FSD1L: variants seen among roughly 807,000 people sequenced by gnomAD.
The protein encoded by FSD1L is FSD1-like protein.
FSD1L carries 45 observed loss-of-function variants against 71.6 expected under a neutral mutation model. That is an observed-to-expected ratio of 0.63 (90% CI 0.49 to 0.81). The LOEUF is 0.81. Ranked by LOEUF, FSD1L falls within the 30% of genes least tolerant of loss-of-function variation. The probability of loss-of-function intolerance (pLI) is 0.00; values close to 1 mark genes in which losing one functional copy is unlikely to be tolerated. For missense variants in FSD1L, 561 were observed against 618.1 expected (o/e 0.91, Z 0.98); for synonymous variants, 197 against 207.2 (o/e 0.95, Z 0.42).
chr9:105,521,793 G>T, intron 10 of FSD1L: 2 of 1,612,388 alleles, frequency 1.2e-6, no homozygotes, highest in Non-Finnish European at 1.7e-6. Flanking sequence ...CACCTCTGAA[G>T]AAGCCACAGA....
At chr9:105,528,768 A>G (rs373142691) in intron 10 of FSD1L, among the ~76,000 whole-genome samples, 12 of 152,376 alleles carry the variant, frequency 7.9e-5, no homozygotes, top group African/African-American at 2.9e-4. Flanking sequence ...AACAAAAGCC[A>G]GAATTGACAA....
At chr9:105,533,629 C>G (rs561485743) in intron 10 of FSD1L, among the ~76,000 whole-genome samples, 2 of 149,352 alleles carry the variant, frequency 1.3e-5, no homozygotes, top group South Asian at 4.3e-4. Context: ...CACTGTGTTG[C>G]CCAGGCTGGT....
intron 8 of FSD1L, among the ~76,000 whole-genome samples, chr9:105,508,164 A>G (rs1337830610): frequency 1.5e-5 from 2 of 135,686 alleles, no homozygotes; most frequent in African/African-American, 5.6e-5. Context: ...GCGCCCGACC[A>G]CATATCACTC....
chr9:105,495,350 G>A lies in FSD1L; in HGVS notation c.586+10848G>A, dbSNP rs189664384. 6.8e-3 allele frequency among the ~76,000 whole-genome samples: 1,035 copies of A among 152,268 alleles called. 11 individuals carry two copies. Among genetic ancestry groups the A allele is most frequent in the Admixed American group, 0.022 (343 of 15,306 alleles). ...TGGTGCGCTGTTTTTAAAGCCCGTC[G>A]GAAAAGTGCAGTATTGGGGTGGGAA... is the stretch of plus-strand genomic sequence containing the variant. On this transcript the variant is annotated intron_variant, in intron 7 of 13. Transcript: ENST00000481272.
intron 3 of FSD1L, among the ~76,000 whole-genome samples, chr9:105,465,814 T>G (rs927618253): frequency 9.2e-5 from 14 of 151,724 alleles, no homozygotes; most frequent in African/African-American, 3.1e-4. Flanking sequence ...TTATCAAAGG[T>G]GAGAAGTCAA....
At chr9:105,521,227 C>T in intron 10 of FSD1L, 2 of 1,614,174 alleles carry the variant, frequency 1.2e-6, no homozygotes, top group Admixed American at 1.7e-5. Context: ...CCTCATATTC[C>T]TGGGATGGAA....
At chr9:105,492,346 C>T (rs1833006679) in intron 7 of FSD1L, among the ~76,000 whole-genome samples, 1 of 152,056 alleles carries the variant, frequency 6.6e-6, no homozygotes, top group Non-Finnish European at 1.5e-5. Context: ...GTGGTGAGAT[C>T]CCCTTTATCA....
intron 7 of FSD1L, among the ~76,000 whole-genome samples, chr9:105,503,039 C>T (rs1185652194): frequency 2.0e-5 from 3 of 151,298 alleles, no homozygotes; most frequent in Non-Finnish European, 4.4e-5. Flanking sequence ...ACCGCCATAC[C>T]CAACTAAATT....
In FSD1L at chr9:105,464,240, C is replaced by T; in HGVS notation, c.116C>T (p.Ala39Val). ...TAATGCTTTTCTTAATTCTAGGAAG[C>T]TCTACAGAGGATCATTTCAACTCTG... Reference protein sequence around the residue: ...GPESINLQQEALQRIISTLAN... With the variant: ...GPESINLQQEVLQRIISTLAN... Residue 39 changes from alanine to valine, a missense_variant, in exon 3 of 14, where the codon GCT becomes GTT. By Grantham distance (64) the Ala-to-Val change is moderately conservative (BLOSUM62 0). Transcript: ENST00000481272. 1.1e-5 allele frequency: 17 copies of T among 1,479,826 alleles called. No homozygotes were observed. Among genetic ancestry groups the T allele is most frequent in the Non-Finnish European group, 1.5e-5 (16 of 1,090,158 alleles). 91.7% of individuals were successfully genotyped at this position (1,479,826 alleles called of 1,614,324 possible).
At position 105,475,262 on chromosome 9, in the gene FSD1L, A is replaced by G. The variant is rs996692282; in HGVS notation, c.441+3257A>G. Among the ~76,000 whole-genome samples, 6 of 152,366 alleles carry G rather than the reference A, an allele frequency of 3.9e-5. No individual in the cohort carries two copies. In the Middle Eastern group the frequency reaches 0.01, roughly 259 times the overall value. On this transcript the variant is annotated intron_variant, in intron 5 of 13. Coordinates refer to ENST00000481272, the MANE Select transcript of FSD1L (RefSeq NM_001145313.3). ...GTTGTCAGAGTAGAAGGGAGAAAATAGTTTCCTATCCATGGGGTCCCTATA... is the reference window on the plus strand; with the variant it reads ...GTTGTCAGAGTAGAAGGGAGAAAATGGTTTCCTATCCATGGGGTCCCTATA...
At chr9:105,461,691 C>A in intron 2 of FSD1L, 76 bp downstream of exon 2, 1 of 836,470 alleles carries the variant, frequency 1.2e-6, no homozygotes, top group Non-Finnish European at 1.9e-6. Flanking sequence ...ATGTCTTTGA[C>A]TATACTCATT....
At chr9:105,503,976 CT>C (rs1833912182) in intron 7 of FSD1L, among the ~76,000 whole-genome samples, 1 of 152,170 alleles carries the variant, frequency 6.6e-6, no homozygotes, top group Admixed American at 6.5e-5. Context: ...CCAGTGCAGT[CT>C]TACTAGAATG....
intron 4 of FSD1L, among the ~76,000 whole-genome samples, chr9:105,468,768 T>C (rs1047018608): frequency 6.6e-6 from 1 of 152,212 alleles, no homozygotes; most frequent in Admixed American, 6.5e-5. Flanking sequence ...GTGCTGGGAT[T>C]ACAGGCGTAA....
intron 5 of FSD1L, 78 bp from the exon 6 acceptor site, chr9:105,479,276 C>A: frequency 7.6e-7 from 1 of 1,308,262 alleles, no homozygotes; most frequent in South Asian, 1.3e-5. Context: ...CCTAACTTTT[C>A]TTGCATGTCA....
chr9:105,508,104 G>A (rs899770711), intron 8 of FSD1L, among the ~76,000 whole-genome samples: 1 of 151,326 alleles, frequency 6.6e-6, no homozygotes, highest in Non-Finnish European at 1.5e-5. Flanking sequence ...CCTGACCTCA[G>A]GTTCGGGAGT....
At chr9:105,478,533 G>A (rs1007152030) in intron 5 of FSD1L, among the ~76,000 whole-genome samples, 2 of 152,080 alleles carry the variant, frequency 1.3e-5, no homozygotes, top group South Asian at 2.1e-4. Flanking sequence ...TTACTGTGGA[G>A]AAAAAAACTT....
At chr9:105,452,661 G>GCCTTCCTTCCTT (rs1442328790) in intron 1 of FSD1L, among the ~76,000 whole-genome samples, 176 of 95,178 alleles carry the variant, frequency 1.8e-3, no homozygotes, top group Non-Finnish European at 2.3e-3. Flanking sequence ...CTGCCTGCCT[G>GCCTTCCTTCCTT]CCTGCCTGCC....
chr9:105,481,543 G>A (rs1032677519), intron 6 of FSD1L, among the ~76,000 whole-genome samples: 7 of 151,592 alleles, frequency 4.6e-5, no homozygotes, highest in Admixed American at 6.6e-5. Context: ...TGCCCACTTC[G>A]GCCTCCCAAA....
chr9:105,498,112 T>A (rs532059851), intron 7 of FSD1L, among the ~76,000 whole-genome samples: 1 of 152,090 alleles, frequency 6.6e-6, no homozygotes, highest in African/African-American at 2.4e-5. Flanking sequence ...TCTAAAGCAC[T>A]GGGACTACAG....
Sources: gnomAD v4.1 joint callset for allele counts (sites outside exome capture counted in the v4.1 genomes callset) on GRCh38, gnomAD v4.1.1 for gene constraint, MANE v1.5 for transcripts, NCBI Gene and HGNC (gene_info 2026-07-23, HGNC 2026-07-21) for gene names.